The following LDLRAD4 variants were observed in gnomAD, a reference collection of about 807,000 sequenced individuals.
LDLRAD4 encodes low density lipoprotein receptor class A domain containing 4.
In LDLRAD4, 5 loss-of-function variants were observed where a neutral mutation model predicts 17.0. The ratio of observed to expected loss-of-function variants is 0.29; its 90% CI spans 0.15 to 0.62. The LOEUF (loss-of-function observed/expected upper bound fraction) is 0.62, where lower values mean the gene tolerates loss of function less well. Among genes scored for constraint, LDLRAD4 ranks in the 20% least tolerant of loss-of-function variants. The pLI, the probability that LDLRAD4 is intolerant of heterozygous loss-of-function variation, is 0.84. For synonymous variants in LDLRAD4, 168 were observed against 171.8 expected (o/e 0.98, Z 0.17); for missense variants, 340 against 424.7 (o/e 0.80, Z 1.75).
intron 1 of LDLRAD4, among the ~76,000 whole-genome samples, chr18:13,340,810 A>G (rs1046141249): frequency 1.3e-5 from 2 of 152,080 alleles, no homozygotes; most frequent in Admixed American, 6.6e-5. Flanking sequence ...TGCCATATCC[A>G]ATGTCATAAA....
chr18:13,272,252 G>A (rs2044601689), intron 1 of LDLRAD4, among the ~76,000 whole-genome samples: 1 of 152,116 alleles, frequency 6.6e-6, no homozygotes, highest in Admixed American at 6.5e-5. Context: ...TCGGGGTCTG[G>A]GTTGCCTTGG....
intron 3 of LDLRAD4, among the ~76,000 whole-genome samples, chr18:13,590,403 C>T (rs1156596608): frequency 6.6e-6 from 1 of 152,012 alleles, no homozygotes; most frequent in East Asian, 1.9e-4. Context: ...CACGGAGAGC[C>T]CACTCATACG....
At chr18:13,510,393 T>A (rs1454306757) in intron 3 of LDLRAD4, among the ~76,000 whole-genome samples, 1 of 152,202 alleles carries the variant, frequency 6.6e-6, no homozygotes, top group Non-Finnish European at 1.5e-5. Flanking sequence ...TGAATAACCT[T>A]CACAAAGTCT....
chr18:13,397,394 C>T (rs1396212915), intron 2 of LDLRAD4, among the ~76,000 whole-genome samples: 1 of 152,168 alleles, frequency 6.6e-6, no homozygotes, highest in Non-Finnish European at 1.5e-5. Flanking sequence ...CCACCCACCT[C>T]GGCCTCCCAA....
At chr18:13,603,861 CTT>C (rs889848265) in intron 3 of LDLRAD4, among the ~76,000 whole-genome samples, 1 of 152,212 alleles carries the variant, frequency 6.6e-6, no homozygotes, top group Non-Finnish European at 1.5e-5. Context: ...TCCTGGCTCT[CTT>C]TGTCTCCTGC....
intron 3 of LDLRAD4, among the ~76,000 whole-genome samples, chr18:13,547,137 T>C (rs1284406): frequency 0.94 from 142,659 of 152,220 alleles, 67,544 homozygotes; most frequent in East Asian, 1. Flanking sequence ...ACCTGCTTTC[T>C]GTTACTGACT....
chr18:13,634,203 A>G (rs1785120), intron 4 of LDLRAD4, among the ~76,000 whole-genome samples: 117,995 of 152,146 alleles, frequency 0.78, 46,693 homozygotes, highest in East Asian at 0.94. Flanking sequence ...TTAATTAGAC[A>G]TTCTAGCCAG....
At chr18:13,354,771 C>T (rs1190755619) in intron 1 of LDLRAD4, among the ~76,000 whole-genome samples, 1 of 152,190 alleles carries the variant, frequency 6.6e-6, no homozygotes, top group Non-Finnish European at 1.5e-5. Flanking sequence ...TTCTCATTCT[C>T]CTCAATGTGC....
chr18:13,476,148 G>A (rs2092933221), intron 3 of LDLRAD4, among the ~76,000 whole-genome samples: 1 of 152,172 alleles, frequency 6.6e-6, no homozygotes, highest in African/African-American at 2.4e-5. Flanking sequence ...AGTGCCTGTG[G>A]CTTCCTTATG....
chr18:13,436,901 T>C (rs1478742867), intron 2 of LDLRAD4, among the ~76,000 whole-genome samples: 1 of 152,240 alleles, frequency 6.6e-6, no homozygotes, highest in African/African-American at 2.4e-5. Flanking sequence ...CTATACTCTT[T>C]TAGGAGAATG....
chr18:13,593,944 A>G (rs28666922), intron 3 of LDLRAD4, among the ~76,000 whole-genome samples: 3,608 of 152,238 alleles, frequency 0.024, 127 homozygotes, highest in African/African-American at 0.076. Flanking sequence ...ACAAGTGCAC[A>G]TCACCACACC....
At chr18:13,420,766 T>C (rs2089370625) in intron 2 of LDLRAD4, 1 of 152,296 alleles carries the variant, frequency 6.6e-6, no homozygotes, top group Non-Finnish European at 1.5e-5. Flanking sequence ...CCTGAATCCC[T>C]GCTTCCTGGG....
At chr18:13,611,779 G>A (rs1483148762) in intron 3 of LDLRAD4, 23 of 985,606 alleles carry the variant, frequency 2.3e-5, no homozygotes, top group Non-Finnish European at 2.7e-5. Flanking sequence ...AGAGCCAAGA[G>A]GGAAGAGCGA....
chr18:13,395,629 T>TTGGCGTGGGGGCGGGAGG (rs2086616408), intron 2 of LDLRAD4, among the ~76,000 whole-genome samples: 1 of 17,316 alleles, frequency 5.8e-5, no homozygotes, highest in East Asian at 1.9e-3. Flanking sequence ...GGGGCGGGAG[T>TTGGCGTGGGGGCGGGAGG]TGGCGTTGGG....
At chr18:13,441,140 C>T (rs1334578041) in intron 3 of LDLRAD4, among the ~76,000 whole-genome samples, 3 of 152,216 alleles carry the variant, frequency 2.0e-5, no homozygotes, top group African/African-American at 7.2e-5. Flanking sequence ...GGGGAGGAGG[C>T]CAGAGGGTGG....
chr18:13,612,547 C>G, intron 3 of LDLRAD4: 1 of 387,206 alleles, frequency 2.6e-6, no homozygotes, highest in African/African-American at 4.3e-5. Flanking sequence ...AGAAACACAC[C>G]CCCCCCCCCT....
chr18:13,635,437 A>C (rs2041995047), intron 4 of LDLRAD4, among the ~76,000 whole-genome samples: 2 of 152,182 alleles, frequency 1.3e-5, no homozygotes, highest in Admixed American at 6.5e-5. Flanking sequence ...AAAAGTGCCA[A>C]ATGGTCTGAT....
intron 1 of LDLRAD4, among the ~76,000 whole-genome samples, chr18:13,224,456 T>C (rs913496720): frequency 1.3e-5 from 2 of 149,564 alleles, no homozygotes; most frequent in Admixed American, 6.8e-5. Context: ...AAGAGCACTA[T>C]AGTTTCTTTC....
At chr18:13,222,427 C>CT (rs1471102764) in intron 1 of LDLRAD4, among the ~76,000 whole-genome samples, 2 of 151,500 alleles carry the variant, frequency 1.3e-5, no homozygotes, top group African/African-American at 4.9e-5. Flanking sequence ...ATTTACGAAA[C>CT]TTTAAGTTTG....
Sources: allele counts gnomAD v4.1 joint callset (sites outside exome capture counted in the v4.1 genomes callset), GRCh38; gene constraint gnomAD v4.1.1; transcripts MANE v1.5; gene names NCBI Gene and HGNC (gene_info 2026-07-23, HGNC 2026-07-21).